Variants in ZFAND2B observed in about 807,000 individuals in gnomAD.
ZFAND2B encodes the protein AN1-type zinc finger protein 2B.
In ZFAND2B, 27 loss-of-function variants were observed where a neutral mutation model predicts 38.2. The ratio of observed to expected loss-of-function variants is 0.71; its 90% CI spans 0.52 to 0.97. ZFAND2B has a LOEUF of 0.97. Among genes scored for constraint, ZFAND2B ranks in the 50% least tolerant of loss-of-function variants. ZFAND2B has a pLI of 0.00. For synonymous variants in ZFAND2B, 111 were observed against 119.4 expected (o/e 0.93, Z 0.46); for missense variants, 303 against 331.5 (o/e 0.91, Z 0.67).
At position 219,207,019 on chromosome 2, in the gene ZFAND2B, C is replaced by T; in HGVS notation, c.32C>T (p.Ser11Leu). The part of the protein sequence containing the change: MEFPDLGAHC[S>L]EPSCQRLDFL... ...TTTCCGGACCTCGGCGCTCACTGTT[C>T]GGAGCCGAGCTGTCAGCGCTTGGGT... is the stretch of plus-strand genomic sequence containing the variant. Residue 11 changes from serine to leucine, a missense_variant, in exon 1 of 9, where the codon TCG (serine) becomes TTG (leucine). Coordinates refer to ENST00000289528, the MANE Select transcript of ZFAND2B (RefSeq NM_138802.3). The T allele has an allele frequency of 6.2e-7, 1 of 1,610,096 alleles. No homozygotes were observed. Among genetic ancestry groups the T allele is most frequent in the Non-Finnish European group, 8.5e-7 (1 of 1,178,466 alleles).
At chr2:219,208,817 T>C in intron 7 of ZFAND2B, 160 bp from the exon 8 acceptor site, 3 of 1,036,452 alleles carry the variant, frequency 2.9e-6, no homozygotes, top group Non-Finnish European at 1.5e-6. Context: ...TCATTTCCTC[T>C]ATAAAACGGG....
At chr2:219,207,549 T>G in intron 2 of ZFAND2B, 99 bp from the exon 3 acceptor site, 8 of 1,591,746 alleles carry the variant, frequency 5.0e-6, no homozygotes, top group Non-Finnish European at 6.9e-6. Context: ...AACACTGTTT[T>G]TTTGCGTGTT....
At position 219,209,421 on chromosome 2, in the gene ZFAND2B, G is replaced by T; in HGVS notation, c.*115G>T. On this transcript the variant is annotated 3_prime_UTR_variant, in exon 9 of 9. Coordinates refer to ENST00000289528, the MANE Select transcript of ZFAND2B (RefSeq NM_138802.3). Reference sequence around the variant, plus strand: ...CTGGAGGGCAGAGACAAGCGGGAGTGATGTGGAGGTCGCCCTGGGAGCCTC... The same window carrying T: ...CTGGAGGGCAGAGACAAGCGGGAGTTATGTGGAGGTCGCCCTGGGAGCCTC... 1 of 1,304,230 alleles carries T rather than the reference G, an allele frequency of 7.7e-7. No homozygotes were observed. The allele number at this position is 1,304,230 out of a possible 1,614,324, so 80.8% of individuals were successfully genotyped here.
chr2:219,208,065 C>T (rs749600343), intron 4 of ZFAND2B, 27 bp downstream of exon 4: 1 of 1,613,586 alleles, frequency 6.2e-7, no homozygotes, highest in East Asian at 2.2e-5. Context: ...CCTCCACTTG[C>T]TTTTGGGAAG....
intron 1 of ZFAND2B, 134 bp from the exon 2 acceptor site, chr2:219,207,193 A>G: frequency 7.3e-7 from 1 of 1,365,824 alleles, no homozygotes. Context: ...GGGCGTGGCC[A>G]AGGAGGTAAT....
chr2:219,207,493 C>A (rs1950504862), intron 2 of ZFAND2B, 72 bp downstream of exon 2: 8 of 1,584,568 alleles, frequency 5.0e-6, no homozygotes, highest in Admixed American at 3.4e-5. Context: ...ATCTGTGTCT[C>A]ACGTTTCTTC....
chr2:219,207,594 G>A, intron 2 of ZFAND2B, 54 bp from the exon 3 acceptor site: 1 of 1,605,198 alleles, frequency 6.2e-7, no homozygotes, highest in Non-Finnish European at 8.5e-7. Flanking sequence ...TTCAGGACCA[G>A]AGATTTGTTG....
Position 219,207,798 on chromosome 2 carries a change from A to AG in ZFAND2B, c.282+20dup. The AG allele has an allele frequency of 1.2e-6, 2 of 1,613,996 alleles. No individual in the cohort carries two copies. Among genetic ancestry groups the AG allele is most frequent in the Non-Finnish European group, 1.7e-6 (2 of 1,179,866 alleles). On this transcript the variant is annotated intron_variant, in intron 3 of 8. Coordinates refer to ENST00000289528, the MANE Select transcript of ZFAND2B (RefSeq NM_138802.3). ...ACGTAAGGTAAACATTGTAGGGGTC[A>AG]GCCACAACCCAGCTGGGACTACGGA...
In ZFAND2B at chr2:219,207,795, G is replaced by A; in HGVS notation, c.282+16G>A. The A allele has an allele frequency of 6.2e-7, 1 of 1,613,978 alleles. No individual in the cohort carries two copies. The highest frequency in any genetic ancestry group is 1.1e-5 in the South Asian group (1 of 91,078). On this transcript the variant is annotated intron_variant, in intron 3 of 8. Transcript: ENST00000289528. ...AAAACGTAAGGTAAACATTGTAGGG[G>A]TCAGCCACAACCCAGCTGGGACTAC...
Position 219,209,006 on chromosome 2 carries a change from C to T in ZFAND2B, c.686C>T (p.Ala229Val), listed in dbSNP as rs759508545. 6.2e-7 allele frequency: 1 copy of T among 1,614,170 alleles called. No homozygotes were observed. Among genetic ancestry groups the T allele is most frequent in the Non-Finnish European group, 8.5e-7 (1 of 1,180,030 alleles). Residue 229 changes from alanine to valine, a missense_variant, in exon 8 of 9, where the codon GCA (alanine) becomes GTA (valine). Coordinates refer to ENST00000289528, the MANE Select transcript of ZFAND2B (RefSeq NM_138802.3). ...CAGGAGGAAGAAGACCTAGCTTTAG[C>T]ACAAGCACTGTCAGCCAGTGAGGCA... ...SCQEEEDLAL[A>V]QALSASEAEY...
Position 219,208,591 on chromosome 2 carries a change from A to C in ZFAND2B, c.608A>C (p.Gln203Pro), listed in dbSNP as rs1331383196. Residue 203 changes from glutamine (Q) to proline (P), a missense_variant, in exon 7 of 9, where the codon CAG (glutamine) becomes CCG (proline). Gln to Pro is a moderately conservative substitution (Grantham distance 76, BLOSUM62 -1). Coordinates refer to ENST00000289528, the MANE Select transcript of ZFAND2B (RefSeq NM_138802.3). Reference sequence around the variant, plus strand: ...TTGTAGAGTGAGGATGAAGCTCTGCAGCGGGCCCTGGAAATGTCCCTGGCA... The same window carrying C: ...TTGTAGAGTGAGGATGAAGCTCTGCCGCGGGCCCTGGAAATGTCCCTGGCA... ...QNGLSEDEALQRALEMSLAET... is the reference protein window; with the variant it reads ...QNGLSEDEALPRALEMSLAET... 1.2e-6 allele frequency: 2 copies of C among 1,614,204 alleles called. No individual in the cohort carries two copies. The highest frequency in any genetic ancestry group is 2.2e-5 in the South Asian group (2 of 91,090).
At position 219,208,696 on chromosome 2, in the gene ZFAND2B, G is replaced by C. The variant is rs745531865; in HGVS notation, c.656+57G>C. On this transcript the variant is annotated intron_variant, in intron 7 of 8. Transcript: ENST00000289528. ...GCTGTGGGCAAGGGCTTGGTCTGGAGGCAGGTAGGTGGGACCACTCTGACA... is the reference window on the plus strand; with the variant it reads ...GCTGTGGGCAAGGGCTTGGTCTGGACGCAGGTAGGTGGGACCACTCTGACA... 1.9e-6 allele frequency: 3 copies of C among 1,602,700 alleles called. No individual in the cohort carries two copies. In the African/African-American group the frequency reaches 4.0e-5, roughly 21 times the overall value.
At position 219,208,563 on chromosome 2, in the gene ZFAND2B, C is replaced by T. The variant is rs536669592; in HGVS notation, c.589-9C>T. 619 of 1,614,216 alleles carry T rather than the reference C, an allele frequency of 3.8e-4. 8 individuals carry two copies. The South Asian group carries it at 6.4e-3, about 17-fold the overall frequency. On this transcript the variant is annotated splice_polypyrimidine_tract_variant and intron_variant, in intron 6 of 8. Transcript: ENST00000289528. Reference sequence around the variant, plus strand: ...TCCAAGGACGCTGGTCTTCTTTCTCCCTTTGTAGAGTGAGGATGAAGCTCT... The same window carrying T: ...TCCAAGGACGCTGGTCTTCTTTCTCTCTTTGTAGAGTGAGGATGAAGCTCT...
chr2:219,208,867 T>C (rs1399569851), intron 7 of ZFAND2B, 110 bp from the exon 8 acceptor site: 6 of 1,223,496 alleles, frequency 4.9e-6, no homozygotes, highest in East Asian at 2.3e-5. Context: ...GCTATGAAGA[T>C]TGAGATAATC....
chr2:219,208,145 G>C, intron 4 of ZFAND2B, 107 bp downstream of exon 4: 1 of 1,597,380 alleles, frequency 6.3e-7, no homozygotes, highest in Non-Finnish European at 8.6e-7. Flanking sequence ...CTGTCGGCTA[G>C]GGGAGTCTTT....
At position 219,207,740 on chromosome 2, in the gene ZFAND2B, CAG is replaced by C. The variant is rs1199723036; in HGVS notation, c.247_248del (p.Asp83LeufsTer4). On this transcript the variant is annotated frameshift_variant, in exon 3 of 9. Transcript: ENST00000289528. LOFTEE classifies it high-confidence loss of function. ...ACCGTGCTGTGGGAGAGCACATTGA[CAG>C]AGACTGTCGCTCTGATCCAGCACAG... ...PDRAVGEHID[R>X]DCRSDPAQQK... 4.3e-6 allele frequency: 7 copies of C among 1,614,192 alleles called. No individual in the cohort carries two copies. Among genetic ancestry groups the C allele is most frequent in the Non-Finnish European group, 5.9e-6 (7 of 1,180,050 alleles).
Position 219,207,972 on chromosome 2 carries a change from G to A in ZFAND2B, c.368G>A (p.Cys123Tyr). ...TGTGAACGCTGTAGCCGAAACTTCTGCATCAAGCACCGGCATCCACTGGAC... is the reference window on the plus strand; with the variant it reads ...TGTGAACGCTGTAGCCGAAACTTCTACATCAAGCACCGGCATCCACTGGAC... ...LTCERCSRNF[C>Y]IKHRHPLDHD... The change falls in exon 4 of 9, where the codon TGC becomes TAC. Residue 123 changes from cysteine to tyrosine, a missense_variant. By Grantham distance (194) the Cys-to-Tyr change is radical. Transcript: ENST00000289528. 1 of 1,614,134 alleles carries A rather than the reference G, an allele frequency of 6.2e-7. No individual in the cohort carries two copies. The highest frequency in any genetic ancestry group is 8.5e-7 in the Non-Finnish European group (1 of 1,180,032).
chr2:219,207,506 C>T, intron 2 of ZFAND2B, 85 bp downstream of exon 2: 3 of 1,582,936 alleles, frequency 1.9e-6, no homozygotes, highest in African/African-American at 1.3e-5. Flanking sequence ...GTTTCTTCTC[C>T]CTTTTGTCCT....
At position 219,208,038 on chromosome 2, in the gene ZFAND2B, G is replaced by A. The variant is rs1950515492; in HGVS notation, c.434G>A (p.Gly145Glu). 1 of 1,613,924 alleles carries A rather than the reference G, an allele frequency of 6.2e-7. No individual in the cohort carries two copies. The highest frequency in any genetic ancestry group is 2.2e-5 in the East Asian group (1 of 44,882). ...GAGGGGCACCCAACCAGCCGGGCAGGGTAATGGCAGCCAAGTCCTCCACTT... is the reference window on the plus strand; with the variant it reads ...GAGGGGCACCCAACCAGCCGGGCAGAGTAATGGCAGCCAAGTCCTCCACTT... The part of the protein sequence containing the change: ...SGEGHPTSRA[G>E]LAAISRAQAV... The change falls in exon 4 of 9, where the codon GGA becomes GAA. Residue 145 changes from glycine to glutamate, a missense_variant and splice_region_variant. Coordinates refer to ENST00000289528, the MANE Select transcript of ZFAND2B (RefSeq NM_138802.3).
Sources: allele counts gnomAD v4.1 joint callset, GRCh38; gene constraint gnomAD v4.1.1; transcripts MANE v1.5; gene names NCBI Gene and HGNC (gene_info 2026-07-23, HGNC 2026-07-21).